The following RAB33B variants were observed in gnomAD, a reference collection of about 807,000 sequenced individuals.
The protein encoded by RAB33B is ras-related protein Rab-33B.
Under a neutral mutation model 15.0 loss-of-function variants are expected in RAB33B, and 6 were observed. The ratio of observed to expected loss-of-function variants is 0.40; its 90% CI spans 0.22 to 0.79. RAB33B has a LOEUF of 0.79. RAB33B is among the 30% of genes least tolerant of loss of function. The pLI, the probability that RAB33B is intolerant of heterozygous loss-of-function variation, is 0.37. For synonymous variants in RAB33B, 117 were observed against 108.3 expected, an observed-to-expected ratio of 1.08 and a Z score of -0.50; for missense variants, 257 against 296.4, an observed-to-expected ratio of 0.87 and a Z score of 0.98.
chr4:139,446,840 C>A, the RAB33B span, among the ~76,000 whole-genome samples: 5 of 152,126 alleles, frequency 3.3e-5, no homozygotes, highest in Admixed American at 2.6e-4. Context: ...CTGCAGAGTG[C>A]CCAATTTGCC....
At chr4:139,457,910 C>T (rs1750100040) in intron 1 of RAB33B, among the ~76,000 whole-genome samples, 1 of 152,202 alleles carries the variant, frequency 6.6e-6, no homozygotes, top group African/African-American at 2.4e-5. Context: ...TTTCCACCTG[C>T]ACACTTTCTA....
chr4:139,447,308 C>A, the RAB33B span, among the ~76,000 whole-genome samples: 7 of 152,098 alleles, frequency 4.6e-5, no homozygotes, highest in Admixed American at 2.6e-4. Context: ...GCCATGTATA[C>A]CCTGAATCAG....
rs1421864909 is a variant in RAB33B at position 139,476,038 on chromosome 4, C to G, written c.*2912C>G. ...CACTTTTGAAAACAACAAAAAGCCC[C>G]CAACCCATTGGACAATTATTTTCTT... On this transcript the variant is annotated 3_prime_UTR_variant, in exon 2 of 2. Transcript: ENST00000305626. 2.0e-5 allele frequency: 3 copies of G among 152,082 alleles called. No individual in the cohort carries two copies. Among genetic ancestry groups the G allele is most frequent in the African/African-American group, 4.8e-5 (2 of 41,390 alleles). 9.4% of individuals were successfully genotyped at this position (152,082 alleles called of 1,614,324 possible). A position where few individuals can be genotyped will look rare whatever the true frequency, so the allele number is the denominator to read the frequency against.
At chr4:139,447,394 C>CTCA in the RAB33B span, among the ~76,000 whole-genome samples, 1 of 152,186 alleles carries the variant, frequency 6.6e-6, no homozygotes, top group Non-Finnish European at 1.5e-5. Flanking sequence ...AGTGGCACCA[C>CTCA]TCATCATCAC....
the RAB33B span, among the ~76,000 whole-genome samples, chr4:139,441,765 A>G: frequency 1.7e-4 from 26 of 152,362 alleles, no homozygotes; most frequent in Non-Finnish European, 2.9e-4. Flanking sequence ...TTGAAAAATC[A>G]TAAGTGAAAC....
the RAB33B span, among the ~76,000 whole-genome samples, chr4:139,447,896 T>C: frequency 6.6e-6 from 1 of 151,986 alleles, no homozygotes; most frequent in Admixed American, 6.6e-5. Context: ...CTCGATCTCC[T>C]GACCTCGTGA....
At chr4:139,472,077 C>T (rs1750403286) in intron 1 of RAB33B, among the ~76,000 whole-genome samples, 1 of 152,102 alleles carries the variant, frequency 6.6e-6, no homozygotes, top group African/African-American at 2.4e-5. Context: ...TGATCTTAGG[C>T]CAGTTTCACA....
chr4:139,466,712 G>A (rs1011767788), intron 1 of RAB33B, among the ~76,000 whole-genome samples: 3 of 151,786 alleles, frequency 2.0e-5, no homozygotes, highest in South Asian at 2.1e-4. Context: ...CCAAGTAGCT[G>A]GGACTACAGG....
the RAB33B span, among the ~76,000 whole-genome samples, chr4:139,446,581 G>A: frequency 6.6e-6 from 1 of 152,194 alleles, no homozygotes; most frequent in African/African-American, 2.4e-5. Flanking sequence ...CTCTCTGAGT[G>A]GTCAAAAACT....
rs2111089342 is a variant in RAB33B at position 139,473,957 on chromosome 4, T to C, written c.*831T>C. 1 of 144,978 alleles carries C rather than the reference T, an allele frequency of 6.9e-6. No individual in the cohort carries two copies. Among genetic ancestry groups the C allele is most frequent in the Admixed American group, 7.3e-5 (1 of 13,784 alleles). The allele number at this position is 144,978 out of a possible 1,614,324, so 9.0% of individuals were successfully genotyped here. On this transcript the variant is annotated 3_prime_UTR_variant, in exon 2 of 2. Transcript: ENST00000305626. ...GTCTCGCTCTGTCTCCAGGCTGGAG[T>C]GCAGTGGCGTCATCTCGGCTCACTG...
chr4:139,451,826 A>G (rs1266785529), upstream of RAB33B: 1 of 152,262 alleles, frequency 6.6e-6, no homozygotes, highest in Non-Finnish European at 1.5e-5. Flanking sequence ...CTGTGTAGCA[A>G]AGTATTAAGG....
chr4:139,457,459 C>T (rs528379984), intron 1 of RAB33B, among the ~76,000 whole-genome samples: 8 of 152,278 alleles, frequency 5.3e-5, no homozygotes, highest in Middle Eastern at 3.4e-3. Flanking sequence ...GTATTTAATC[C>T]GGCCTCCCAT....
Position 139,473,064 on chromosome 4 carries a change from C to T in RAB33B, c.628C>T (p.Pro210Ser), listed in dbSNP as rs1453636456. The change falls in exon 2 of 2, where the codon CCC (proline) becomes TCC (serine). Residue 210 changes from proline to serine, a missense_variant. Pro to Ser is a moderately conservative substitution (Grantham distance 74, BLOSUM62 -1). Coordinates refer to ENST00000305626, the MANE Select transcript of RAB33B (RefSeq NM_031296.3). ...KSHKPLMLSQ[P>S]PDNGIILKPE... is the part of the protein sequence containing the mutation. The stretch of plus-strand genomic sequence containing the variant: ...CCACAAACCATTAATGCTTAGTCAG[C>T]CCCCTGATAATGGAATTATCCTGAA... The T allele has an allele frequency of 1.2e-6, 2 of 1,613,930 alleles. No individual in the cohort carries two copies. The highest frequency in any genetic ancestry group is 1.7e-5 in the Admixed American group (1 of 60,006).
the RAB33B span, among the ~76,000 whole-genome samples, chr4:139,441,891 C>G: frequency 6.6e-6 from 1 of 152,076 alleles, no homozygotes; most frequent in African/African-American, 2.4e-5. Flanking sequence ...AGAATCCTCT[C>G]CTATTTGTTT....
chr4:139,460,315 G>A (rs904639664), intron 1 of RAB33B, among the ~76,000 whole-genome samples: 1 of 152,192 alleles, frequency 6.6e-6, no homozygotes, highest in East Asian at 1.9e-4. Flanking sequence ...GCACACAGGA[G>A]AAATAATTAT....
At position 139,473,221 on chromosome 4, in the gene RAB33B, G is replaced by T; in HGVS notation, c.*95G>T. 9.2e-7 allele frequency: 1 copy of T among 1,087,594 alleles called. No homozygotes were observed. Among genetic ancestry groups the T allele is most frequent in the Non-Finnish European group, 1.3e-6 (1 of 774,880 alleles). 67.4% of individuals were successfully genotyped at this position (1,087,594 alleles called of 1,614,324 possible). A position where few individuals can be genotyped will look rare whatever the true frequency, so the allele number is the denominator to read the frequency against. On this transcript the variant is annotated 3_prime_UTR_variant, in exon 2 of 2. Coordinates refer to ENST00000305626, the MANE Select transcript of RAB33B (RefSeq NM_031296.3). ...ATAAGATTTAATCTCAACTATAATGGGTCATCTTGACACTTTGCTGTTTGT... is the reference window on the plus strand; with the variant it reads ...ATAAGATTTAATCTCAACTATAATGTGTCATCTTGACACTTTGCTGTTTGT...
chr4:139,470,041 C>G (rs1750360844), intron 1 of RAB33B, among the ~76,000 whole-genome samples: 1 of 152,226 alleles, frequency 6.6e-6, no homozygotes. Context: ...CCTGCTGTAA[C>G]TACTCCCTGG....
intron 1 of RAB33B, among the ~76,000 whole-genome samples, chr4:139,471,411 G>T (rs957697029): frequency 2.6e-5 from 4 of 152,126 alleles, no homozygotes; most frequent in African/African-American, 9.7e-5. Flanking sequence ...GGTGCAGGGG[G>T]TGGGTGTTGG....
In RAB33B at chr4:139,468,749, G is replaced by A. The variant is rs78548365; in HGVS notation, c.250-3937G>A. Among the ~76,000 whole-genome samples, 46 of 152,280 alleles carry A rather than the reference G, an allele frequency of 3.0e-4. No individual in the cohort carries two copies. In the East Asian group the frequency reaches 8.7e-3, roughly 29 times the overall value. ...CAGCATTTCTTGTAGCAGAGGTATGGTATTGATCAAACCCTTCAGCTTTTG... is the reference window on the plus strand; with the variant it reads ...CAGCATTTCTTGTAGCAGAGGTATGATATTGATCAAACCCTTCAGCTTTTG... On this transcript the variant is annotated intron_variant, in intron 1 of 1. Coordinates refer to ENST00000305626, the MANE Select transcript of RAB33B (RefSeq NM_031296.3).
Sources: gnomAD v4.1 joint callset for allele counts (sites outside exome capture counted in the v4.1 genomes callset) on GRCh38, gnomAD v4.1.1 for gene constraint, MANE v1.5 for transcripts, NCBI Gene and HGNC (gene_info 2026-07-23, HGNC 2026-07-21) for gene names.